The following CD5L variants were observed in gnomAD, a reference collection of about 807,000 sequenced individuals.
CD5L encodes CD5 molecule like.
Under a neutral mutation model 40.8 loss-of-function variants are expected in CD5L, and 39 were observed. That is an observed-to-expected ratio of 0.96 (90% CI 0.74 to 1.25). The LOEUF is 1.25. Among genes scored for constraint, CD5L ranks in the 50% most tolerant of loss-of-function variants. CD5L has a pLI of 0.00. For missense variants in CD5L, 433 were observed against 435.9 expected (o/e 0.99, Z 0.06); for synonymous variants, 192 against 169.6 (o/e 1.13, Z -1.03).
intron 2 of CD5L, among the ~76,000 whole-genome samples, chr1:157,836,474 C>T (rs150979884): frequency 7.9e-5 from 12 of 152,244 alleles, no homozygotes; most frequent in East Asian, 1.9e-4. Context: ...GATTCTCTGG[C>T]GGTCAGAATC....
At chr1:157,838,022 C>T (rs371931590) in intron 2 of CD5L, among the ~76,000 whole-genome samples, 5 of 151,994 alleles carry the variant, frequency 3.3e-5, no homozygotes, top group East Asian at 3.9e-4. Flanking sequence ...GTGACCTGCC[C>T]GCCTTCGCCT....
intron 2 of CD5L, among the ~76,000 whole-genome samples, chr1:157,836,373 ACT>A (rs930987633): frequency 6.6e-6 from 1 of 151,978 alleles, no homozygotes; most frequent in Non-Finnish European, 1.5e-5. Flanking sequence ...CTGTCAAGAA[ACT>A]CTACTTCAAG....
At chr1:157,838,674 C>G (rs1487848955) in intron 2 of CD5L, among the ~76,000 whole-genome samples, 2 of 152,040 alleles carry the variant, frequency 1.3e-5, no homozygotes, top group African/African-American at 4.8e-5. Flanking sequence ...AAGGGCTAAT[C>G]TGAATGTCAA....
In CD5L at chr1:157,833,908, G is replaced by A. The variant is rs567700657; in HGVS notation, c.719-396C>T. Among the ~76,000 whole-genome samples, 6 of 151,840 alleles carry A rather than the reference G, an allele frequency of 4.0e-5. No individual in the cohort carries two copies. The South Asian group carries it at 1.3e-3, about 32-fold the overall frequency. On this transcript the variant is annotated intron_variant, in intron 4 of 5. Transcript: ENST00000368174. Reference sequence around the variant, plus strand: ...TTATAGGCATGAGCCACTGCATCTGGCCAAGAAGATCATCTACATGCTTAC... The same window carrying A: ...TTATAGGCATGAGCCACTGCATCTGACCAAGAAGATCATCTACATGCTTAC...
At chr1:157,838,571 C>T (rs963719494) in intron 2 of CD5L, among the ~76,000 whole-genome samples, 2 of 150,760 alleles carry the variant, frequency 1.3e-5, no homozygotes, top group Non-Finnish European at 3.0e-5. Context: ...AAATAAAAAA[C>T]AAAAAATAAG....
Position 157,831,880 on chromosome 1 carries a change from A to G in CD5L, c.*84T>C. 1.3e-6 allele frequency: 2 copies of G among 1,495,562 alleles called. No homozygotes were observed. Among genetic ancestry groups the G allele is most frequent in the Admixed American group, 2.4e-5 (1 of 42,100 alleles). 92.6% of individuals were successfully genotyped at this position (1,495,562 alleles called of 1,614,324 possible). A position where few individuals can be genotyped will look rare whatever the true frequency, so the allele number is the denominator to read the frequency against. On this transcript the variant is annotated 3_prime_UTR_variant, in exon 6 of 6. Transcript: ENST00000368174. Reference sequence around the variant, plus strand: ...TAGTGGCTCAAGCCTGAGCCCCAGAATGAGTATGAGGATAATCAGGGCTCA... The same window carrying G: ...TAGTGGCTCAAGCCTGAGCCCCAGAGTGAGTATGAGGATAATCAGGGCTCA...
chr1:157,841,299 A>G (rs1236577060), intron 1 of CD5L, among the ~76,000 whole-genome samples: 2 of 152,180 alleles, frequency 1.3e-5, no homozygotes, highest in African/African-American at 2.4e-5. Context: ...AGACAATATG[A>G]TCAATGAAAG....
chr1:157,834,313 G>C (rs1656130868), intron 4 of CD5L, 94 bp downstream of exon 4: 1 of 1,020,548 alleles, frequency 9.8e-7, no homozygotes, highest in Non-Finnish European at 1.4e-6. Flanking sequence ...ATGGTCCTTT[G>C]GTGCGTTAGT....
chr1:157,836,227 A>G, intron 2 of CD5L, 72 bp from the exon 3 acceptor site: 2 of 1,217,838 alleles, frequency 1.6e-6, no homozygotes, highest in Non-Finnish European at 2.3e-6. Context: ...TACTCAGTCA[A>G]TCTGGGACTC....
Position 157,830,915 on chromosome 1 carries a change from T to C in CD5L, c.*1049A>G. ...GCATATCACACAGAGAGGCAATTGT[T>C]GAGACTGTGAAATCTGATTTATTAG... is the stretch of plus-strand genomic sequence containing the variant. On this transcript the variant is annotated 3_prime_UTR_variant, in exon 6 of 6. Coordinates refer to ENST00000368174, the MANE Select transcript of CD5L (RefSeq NM_005894.3). 1 of 981,282 alleles carries C rather than the reference T, an allele frequency of 1.0e-6. No individual in the cohort carries two copies. Among genetic ancestry groups the C allele is most frequent in the South Asian group, 4.7e-5 (1 of 21,212 alleles). 60.8% of individuals were successfully genotyped at this position (981,282 alleles called of 1,614,324 possible). A position where few individuals can be genotyped will look rare whatever the true frequency, so the allele number is the denominator to read the frequency against.
At chr1:157,835,036 G>A (rs2101937941) in intron 3 of CD5L, among the ~76,000 whole-genome samples, 1 of 152,182 alleles carries the variant, frequency 6.6e-6, no homozygotes, top group Middle Eastern at 3.4e-3. Context: ...ATCTTGTATA[G>A]ACTTTTAAAA....
chr1:157,834,675 G>C lies in CD5L; in HGVS notation c.450C>G (p.Arg150=), dbSNP rs201541307. The change falls in exon 4 of 6, where the codon CGC becomes CGG. Residue 150 remains arginine (R), a synonymous_variant. Transcript: ENST00000368174. ...LADGPGHCKG[R]VEVKHQNQWY... ...ACTGGTTCTGGTGCTTCACTTCCACGCGTCCCTTGCAATGCCCAGGGCCGT... is the reference window on the plus strand; with the variant it reads ...ACTGGTTCTGGTGCTTCACTTCCACCCGTCCCTTGCAATGCCCAGGGCCGT... The C allele has an allele frequency of 5.0e-6, 8 of 1,614,132 alleles. No individual in the cohort carries two copies. In the East Asian group the frequency reaches 1.8e-4, roughly 36 times the overall value.
At chr1:157,827,268 A>ATGTGTGTGTGTGTG (rs4060881), downstream of CD5L, among the ~76,000 whole-genome samples, 1 of 143,416 alleles carries the variant, frequency 7.0e-6, no homozygotes, top group Non-Finnish European at 1.5e-5. Context: ...CAAATGGTGT[A>ATGTGTGTGTGTGTG]TGTGTGTGTG....
chr1:157,834,873 A>AC, intron 3 of CD5L, 125 bp from the exon 4 acceptor site: 2 of 621,942 alleles, frequency 3.2e-6, no homozygotes, highest in South Asian at 2.3e-5. Context: ...AGTGCTTAAC[A>AC]CTGCCTCATA....
rs1656106962 is a variant in CD5L, at chr1:157,833,507, AG to A, written c.723del (p.Phe242LeufsTer3). The A allele has an allele frequency of 1.2e-6, 2 of 1,603,656 alleles. No individual in the cohort carries two copies. The highest frequency in any genetic ancestry group is 2.7e-5 in the African/African-American group (2 of 74,830). On this transcript the variant is annotated frameshift_variant, in exon 5 of 6. Transcript: ENST00000368174. LOFTEE classifies it high-confidence loss of function. ...DEDTWVECED[P>X]FDLRLVGGDN... ...TCTCCTCCTACTAGTCTCAAGTCAAAGGGATCTGCAGGATGGGGGAGGAAGT... is the reference window on the plus strand; with the variant it reads ...TCTCCTCCTACTAGTCTCAAGTCAAAGGATCTGCAGGATGGGGGAGGAAGT...
chr1:157,831,741 C>T lies in CD5L; in HGVS notation c.*223G>A. 7.8e-7 allele frequency: 1 copy of T among 1,275,454 alleles called. No homozygotes were observed. The highest frequency in any genetic ancestry group is 9.9e-7 in the Non-Finnish European group (1 of 1,008,496). The allele number at this position is 1,275,454 out of a possible 1,614,324, so 79.0% of individuals were successfully genotyped here. ...GAGCACAGGATACATGGAAGCTCAT[C>T]TTCCCCAGCAAGAGGGAACTCAACA... On this transcript the variant is annotated 3_prime_UTR_variant, in exon 6 of 6. Coordinates refer to ENST00000368174, the MANE Select transcript of CD5L (RefSeq NM_005894.3).
intron 2 of CD5L, among the ~76,000 whole-genome samples, chr1:157,836,674 T>A (rs1274356240): frequency 6.6e-6 from 1 of 152,202 alleles, no homozygotes; most frequent in Non-Finnish European, 1.5e-5. Flanking sequence ...GGAAGTCAGA[T>A]TGAGGCAGAG....
intron 2 of CD5L, among the ~76,000 whole-genome samples, chr1:157,836,573 A>G (rs1656220918): frequency 6.6e-6 from 1 of 152,232 alleles, no homozygotes; most frequent in South Asian, 2.1e-4. Context: ...CTATGGCTAC[A>G]TTGTCCAAAA....
intron 3 of CD5L, 110 bp downstream of exon 3, chr1:157,835,725 G>A (rs925719443): frequency 2.4e-6 from 2 of 841,660 alleles, no homozygotes; most frequent in Non-Finnish European, 3.8e-6. Flanking sequence ...GGGGGGTGAG[G>A]GGCCAATTAG....
Sources: allele counts gnomAD v4.1 joint callset (sites outside exome capture counted in the v4.1 genomes callset), GRCh38; gene constraint gnomAD v4.1.1; transcripts MANE v1.5; gene names NCBI Gene and HGNC (gene_info 2026-07-23, HGNC 2026-07-21).